NOXRED1: variants seen among roughly 807,000 people sequenced by gnomAD.
NOXRED1 encodes NADP dependent oxidoreductase domain containing 1, also known as NADP-dependent oxidoreductase domain-containing protein 1.
A neutral mutation model predicts 30.4 loss-of-function variants in NOXRED1; 20 were observed. The ratio of observed to expected loss-of-function variants is 0.66; its 90% CI spans 0.46 to 0.96. The LOEUF (loss-of-function observed/expected upper bound fraction) is 0.96, where lower values mean the gene tolerates loss of function less well. Among genes scored for constraint, NOXRED1 ranks in the 40% least tolerant of loss-of-function variants. NOXRED1 has a pLI of 0.00. For missense variants in NOXRED1, 374 were observed against 428.0 expected, an observed-to-expected ratio of 0.87 and a Z score of 1.11; for synonymous variants, 155 against 168.0, an observed-to-expected ratio of 0.92 and a Z score of 0.60.
chr14:77,416,528 C>T (rs2139695866), intron 1 of NOXRED1, among the ~76,000 whole-genome samples: 1 of 152,286 alleles, frequency 6.6e-6, no homozygotes, highest in South Asian at 2.1e-4. Flanking sequence ...GGTAAGGTCA[C>T]CGATCAACAG....
intron 1 of NOXRED1, among the ~76,000 whole-genome samples, chr14:77,420,951 A>C (rs1894978827): frequency 6.6e-6 from 1 of 152,182 alleles, no homozygotes; most frequent in Non-Finnish European, 1.5e-5. Flanking sequence ...ATCTATCTGC[A>C]GTACTGCAGG....
intron 1 of NOXRED1, among the ~76,000 whole-genome samples, chr14:77,416,466 C>A (rs947199413): frequency 6.6e-6 from 1 of 152,120 alleles, no homozygotes; most frequent in African/African-American, 2.4e-5. Flanking sequence ...CGCCCTTAAT[C>A]CATTCAACCC....
At chr14:77,402,891 C>A (rs930188027) in intron 5 of NOXRED1, among the ~76,000 whole-genome samples, 4 of 151,430 alleles carry the variant, frequency 2.6e-5, no homozygotes, top group Admixed American at 6.6e-5. Context: ...AAAAATTAGC[C>A]GGGTGTGGTG....
intron 2 of NOXRED1, among the ~76,000 whole-genome samples, chr14:77,408,148 G>A (rs956097488): frequency 7.2e-5 from 11 of 152,088 alleles, no homozygotes; most frequent in Non-Finnish European, 1.0e-4. Context: ...GATTACAGGC[G>A]TGAGCCACCA....
rs989829128 is a variant in NOXRED1, at chr14:77,394,351, A to G, written c.*280T>C. ...ACTTCTTTAATTTTAGAAGAGAAATAATTTGTATTAACAAGACTTTTCTGC... is the reference window on the plus strand; with the variant it reads ...ACTTCTTTAATTTTAGAAGAGAAATGATTTGTATTAACAAGACTTTTCTGC... On this transcript the variant is annotated 3_prime_UTR_variant, in exon 6 of 6. Coordinates refer to ENST00000380835, the MANE Select transcript of NOXRED1 (RefSeq NM_001113475.3). 4 of 249,808 alleles carry G rather than the reference A, an allele frequency of 1.6e-5. No homozygotes were observed. The highest frequency in any genetic ancestry group is 8.9e-5 in the African/African-American group (4 of 45,144). The allele number at this position is 249,808 out of a possible 1,614,324, so 15.5% of individuals were successfully genotyped here. A position where few individuals can be genotyped will look rare whatever the true frequency, so the allele number is the denominator to read the frequency against.
At chr14:77,400,610 G>A (rs377715387) in intron 5 of NOXRED1, among the ~76,000 whole-genome samples, 2 of 152,116 alleles carry the variant, frequency 1.3e-5, no homozygotes, top group African/African-American at 2.4e-5. Context: ...AGAGACAAAC[G>A]GTTTTATTCT....
chr14:77,415,181 AACACACAC>A (rs57039967), intron 1 of NOXRED1, among the ~76,000 whole-genome samples: 56,799 of 149,252 alleles, frequency 0.38, 11,016 homozygotes, highest in Middle Eastern at 0.47. Context: ...GTCTCAGGAA[AACACACAC>A]ACACACACAC....
intron 4 of NOXRED1, 132 bp downstream of exon 4, chr14:77,406,592 C>T (rs1894463558): frequency 1.0e-5 from 1 of 95,956 alleles, no homozygotes. Context: ...TTGTGCCTTA[C>T]ACACACACAC....
intron 1 of NOXRED1, among the ~76,000 whole-genome samples, chr14:77,417,743 G>A (rs935667770): frequency 5.9e-5 from 9 of 152,006 alleles, no homozygotes; most frequent in East Asian, 3.9e-4. Flanking sequence ...TCAGCCACTC[G>A]GTATCTTTTG....
chr14:77,403,249 CT>C (rs1321885786), intron 5 of NOXRED1, among the ~76,000 whole-genome samples: 2 of 151,992 alleles, frequency 1.3e-5, no homozygotes, highest in Non-Finnish European at 2.9e-5. Flanking sequence ...AGAAGGAAAC[CT>C]TTTGTTTTTA....
At chr14:77,415,958 G>A (rs1179536989) in intron 1 of NOXRED1, among the ~76,000 whole-genome samples, 1 of 151,764 alleles carries the variant, frequency 6.6e-6, no homozygotes, top group South Asian at 2.1e-4. Context: ...CAAGTGATCC[G>A]CCCACCTCCG....
At chr14:77,411,937 C>T (rs1387823008) in intron 2 of NOXRED1, among the ~76,000 whole-genome samples, 2 of 151,482 alleles carry the variant, frequency 1.3e-5, no homozygotes, top group African/African-American at 4.8e-5. Flanking sequence ...ACTAAAAATG[C>T]AAAAAAATTT....
chr14:77,408,699 A>G (rs1361447700), intron 2 of NOXRED1, among the ~76,000 whole-genome samples: 1 of 152,092 alleles, frequency 6.6e-6, no homozygotes, highest in Non-Finnish European at 1.5e-5. Flanking sequence ...GACTTGTCCA[A>G]AGTTACAGAG....
Position 77,394,781 on chromosome 14 carries a change from A to G in NOXRED1, c.930T>C (p.Thr310=). ...QERPFPWFDL[T]AVQLKETPFS... is the part of the protein sequence containing the mutation. ...ACGGAGTTTCCTTGAGTTGCACAGC[A>G]GTCAGATCAAACCAGGGGAAAGGCC... Residue 310 remains threonine, a synonymous_variant, in exon 6 of 6, where the codon ACT becomes ACC. Coordinates refer to ENST00000380835, the MANE Select transcript of NOXRED1 (RefSeq NM_001113475.3). 4.3e-6 allele frequency: 7 copies of G among 1,613,744 alleles called. No individual in the cohort carries two copies. The highest frequency in any genetic ancestry group is 5.9e-6 in the Non-Finnish European group (7 of 1,179,652).
At chr14:77,418,457 T>C (rs1160342083) in intron 1 of NOXRED1, among the ~76,000 whole-genome samples, 1 of 151,246 alleles carries the variant, frequency 6.6e-6, no homozygotes, top group Non-Finnish European at 1.5e-5. Flanking sequence ...TTATTATTTA[T>C]ATTTATACTT....
At chr14:77,412,452 T>A (rs971335353) in intron 2 of NOXRED1, among the ~76,000 whole-genome samples, 5 of 152,130 alleles carry the variant, frequency 3.3e-5, no homozygotes, top group Admixed American at 3.3e-4. Context: ...GAGACTGTGC[T>A]CAAAGCCTGC....
Position 77,414,032 on chromosome 14 carries a change from C to T in NOXRED1, c.251G>A (p.Gly84Asp). 6.2e-7 allele frequency: 1 copy of T among 1,612,492 alleles called. No individual in the cohort carries two copies. The highest frequency in any genetic ancestry group is 8.5e-7 in the Non-Finnish European group (1 of 1,178,730). ...PEEFKVGIIG[G>D]GHLGKQLAGT... ...AGCCAGCTGCTTCCCAAGGTGGCCA[C>T]CTCCAATGATGCCCACCTTAAACTC... Residue 84 changes from glycine (G) to aspartate (D), a missense_variant, in exon 2 of 6, where the codon GGT (glycine) becomes GAT (aspartate). Physicochemically the swap from Gly to Asp is moderately conservative, Grantham distance 94 (BLOSUM62 -1). Coordinates refer to ENST00000380835, the MANE Select transcript of NOXRED1 (RefSeq NM_001113475.3).
At chr14:77,422,566 A>G (rs139632117) in intron 1 of NOXRED1, among the ~76,000 whole-genome samples, 169 bp downstream of exon 1, 2 of 152,308 alleles carry the variant, frequency 1.3e-5, no homozygotes, top group East Asian at 3.9e-4. Context: ...GGACCCTGGT[A>G]TAGATTTTCC....
At chr14:77,419,638 C>T (rs111462782) in intron 1 of NOXRED1, among the ~76,000 whole-genome samples, 68 of 151,348 alleles carry the variant, frequency 4.5e-4, no homozygotes, top group South Asian at 1.5e-3. Context: ...TTAGTAGAGA[C>T]GGTTTTTCAC....
Sources: gnomAD v4.1 joint callset for allele counts (sites outside exome capture counted in the v4.1 genomes callset) on GRCh38, gnomAD v4.1.1 for gene constraint, MANE v1.5 for transcripts, NCBI Gene and HGNC (gene_info 2026-07-23, HGNC 2026-07-21) for gene names.